SNX29: variants seen among roughly 807,000 people sequenced by gnomAD.
The protein encoded by SNX29 is sorting nexin-29.
Under a neutral mutation model 102.1 loss-of-function variants are expected in SNX29, and 78 were observed. The observed-to-expected ratio is 0.76, with a 90% CI of 0.64 to 0.92. SNX29 has a LOEUF of 0.92. Ranked by LOEUF, SNX29 falls within the 40% of genes least tolerant of loss-of-function variation. The pLI is 0.00. For missense variants in SNX29, 1,280 were observed against 1,061.7 expected (o/e 1.21, Z -2.86); for synonymous variants, 580 against 414.5 (o/e 1.40, Z -4.85).
At chr16:12,435,399 G>A (rs2085491674) in intron 18 of SNX29, among the ~76,000 whole-genome samples, 1 of 152,222 alleles carries the variant, frequency 6.6e-6, no homozygotes, top group Non-Finnish European at 1.5e-5. Flanking sequence ...AGACGGTCAG[G>A]TAGTTTAGTT....
rs2079198850 is a variant in SNX29 at position 12,572,034 on chromosome 16, C to G, written c.*3405C>G. 9.4e-7 allele frequency: 1 copy of G among 1,063,120 alleles called. No individual in the cohort carries two copies. The highest frequency in any genetic ancestry group is 1.6e-5 in the African/African-American group (1 of 60,902). The allele number at this position is 1,063,120 out of a possible 1,614,324, so 65.9% of individuals were successfully genotyped here. A position where few individuals can be genotyped will look rare whatever the true frequency, so the allele number is the denominator to read the frequency against. ...AGCTGCTGGCTATAAAAGGGATCAT[C>G]CAGTGGAGTTGTAAACAAGGGAACC... On this transcript the variant is annotated 3_prime_UTR_variant, in exon 21 of 21. Coordinates refer to ENST00000566228, the MANE Select transcript of SNX29 (RefSeq NM_032167.5).
chr16:12,501,373 C>T lies in SNX29; in HGVS notation c.2179-23329C>T, dbSNP rs183482471. 4.9e-4 allele frequency among the ~76,000 whole-genome samples: 74 copies of T among 152,214 alleles called. 1 individual carries two copies. Among genetic ancestry groups the T allele is most frequent in the Admixed American group, 3.3e-3 (51 of 15,298 alleles). ...GAGCTAGGGTTGCACCACTACACTC[C>T]AGCCTGGGTGACAGAGTGAAACGCT... On this transcript the variant is annotated intron_variant, in intron 19 of 20. Transcript: ENST00000566228.
intron 20 of SNX29, among the ~76,000 whole-genome samples, chr16:12,565,445 CCCT>C (rs751449368): frequency 5.3e-5 from 8 of 152,266 alleles, no homozygotes; most frequent in South Asian, 4.1e-4. Context: ...CTCACCTGCC[CCCT>C]CCTCATCCTG....
At chr16:12,488,454 C>T (rs1346843857) in intron 19 of SNX29, among the ~76,000 whole-genome samples, 3 of 152,134 alleles carry the variant, frequency 2.0e-5, no homozygotes, top group Non-Finnish European at 2.9e-5. Context: ...CCCCCGTCCC[C>T]GCACCCATGA....
At chr16:12,535,623 C>G (rs1382659756) in intron 20 of SNX29, among the ~76,000 whole-genome samples, 1 of 152,146 alleles carries the variant, frequency 6.6e-6, no homozygotes, top group East Asian at 1.9e-4. Context: ...GTCAGTCACA[C>G]CAACATGAAG....
intron 1 of SNX29, among the ~76,000 whole-genome samples, chr16:11,984,107 C>A (rs910558969): frequency 6.6e-6 from 1 of 152,100 alleles, no homozygotes; most frequent in Non-Finnish European, 1.5e-5. Context: ...AATTCCAGCA[C>A]TTTAGGAGGC....
rs113869019 is a variant in SNX29, at chr16:12,541,305, C to G, written c.2318+16464C>G. 7.5e-4 allele frequency among the ~76,000 whole-genome samples: 114 copies of G among 152,262 alleles called. 1 individual carries two copies. The Middle Eastern group carries it at 0.01, about 14-fold the overall frequency. On this transcript the variant is annotated intron_variant, in intron 20 of 20. Transcript: ENST00000566228. ...GAATACCACTAACAGTGGGGATGGTCAGCCCTGATGGAGGACTTCTGAGTG... is the reference window on the plus strand; with the variant it reads ...GAATACCACTAACAGTGGGGATGGTGAGCCCTGATGGAGGACTTCTGAGTG...
chr16:12,521,088 G>T (rs2090081149), intron 19 of SNX29, among the ~76,000 whole-genome samples: 1 of 152,138 alleles, frequency 6.6e-6, no homozygotes, highest in African/African-American at 2.4e-5. Flanking sequence ...GCTGAGGTAG[G>T]AGGACTGCTT....
At position 12,049,011 on chromosome 16, in the gene SNX29, T is replaced by A. The variant is rs574801500; in HGVS notation, c.748+391T>A. Among the ~76,000 whole-genome samples the A allele has an allele frequency of 1.1e-4, 16 of 152,142 alleles. No individual in the cohort carries two copies. In the South Asian group the frequency reaches 3.3e-3, roughly 32 times the overall value. The stretch of plus-strand genomic sequence containing the variant: ...AGCCTGCAGTCTCCTTTGGGATGGG[T>A]GTGGGTGGGTAGTTCATGACAAAAT... On this transcript the variant is annotated intron_variant, in intron 7 of 20. Coordinates refer to ENST00000566228, the MANE Select transcript of SNX29 (RefSeq NM_032167.5).
At chr16:12,315,993 A>G (rs1033053125) in intron 15 of SNX29, among the ~76,000 whole-genome samples, 46 of 152,178 alleles carry the variant, frequency 3.0e-4, no homozygotes, top group African/African-American at 1.1e-3. Flanking sequence ...CAGATACACA[A>G]CTGCGTAGCC....
At chr16:12,512,523 T>C (rs921836873) in intron 19 of SNX29, among the ~76,000 whole-genome samples, 22 of 150,832 alleles carry the variant, frequency 1.5e-4, no homozygotes, top group South Asian at 1.1e-3. Flanking sequence ...AAGTGATCTT[T>C]CCACCTCCCA....
chr16:12,560,974 C>G (rs554477323), intron 20 of SNX29: 1 of 213,488 alleles, frequency 4.7e-6, no homozygotes, highest in Non-Finnish European at 9.5e-6. Context: ...CTTCAAGGAA[C>G]CCTTGGGTAC....
At chr16:11,980,040 C>G (rs1268563605) in intron 1 of SNX29, among the ~76,000 whole-genome samples, 12 of 152,130 alleles carry the variant, frequency 7.9e-5, no homozygotes, top group Admixed American at 7.9e-4. Flanking sequence ...TAGGTCTCTC[C>G]CTCACCTCCT....
chr16:12,131,496 C>T (rs2054466617), intron 13 of SNX29, among the ~76,000 whole-genome samples: 1 of 152,044 alleles, frequency 6.6e-6, no homozygotes, highest in Admixed American at 6.6e-5. Flanking sequence ...ATATAGGCCT[C>T]ATGTTAACCA....
At chr16:12,295,994 C>G (rs1032236795) in intron 15 of SNX29, among the ~76,000 whole-genome samples, 2 of 152,210 alleles carry the variant, frequency 1.3e-5, no homozygotes, top group African/African-American at 4.8e-5. Flanking sequence ...GGTAACAACC[C>G]AGTTCCTACT....
intron 16 of SNX29, among the ~76,000 whole-genome samples, chr16:12,364,544 G>C (rs1389239543): frequency 6.6e-6 from 1 of 151,960 alleles, no homozygotes. Flanking sequence ...TGGGAGAAGA[G>C]CTCCCGGTTT....
intron 14 of SNX29, among the ~76,000 whole-genome samples, chr16:12,212,015 C>T (rs1030141124): frequency 2.0e-5 from 3 of 152,094 alleles, no homozygotes; most frequent in African/African-American, 7.2e-5. Context: ...CCAGATCTGT[C>T]TGTTAAACCC....
intron 16 of SNX29, among the ~76,000 whole-genome samples, chr16:12,363,283 G>T (rs1002496016): frequency 2.6e-5 from 4 of 152,164 alleles, no homozygotes; most frequent in African/African-American, 4.8e-5. Flanking sequence ...TTTCCTCCTG[G>T]AGTCGTCTTT....
intron 15 of SNX29, among the ~76,000 whole-genome samples, chr16:12,324,704 C>T (rs1030117311): frequency 1.3e-5 from 2 of 152,112 alleles, no homozygotes; most frequent in African/African-American, 4.8e-5. Flanking sequence ...CTATTCTCGG[C>T]CCCCAGCCCA....
Sources: gnomAD v4.1 joint callset for allele counts (sites outside exome capture counted in the v4.1 genomes callset) on GRCh38, gnomAD v4.1.1 for gene constraint, MANE v1.5 for transcripts, NCBI Gene and HGNC (gene_info 2026-07-23, HGNC 2026-07-21) for gene names.